ST8SIA1: variants seen among roughly 807,000 people sequenced by gnomAD.
The protein encoded by ST8SIA1 is ST8 alpha-N-acetyl-neuraminide alpha-2,8-sialyltransferase 1.
Under a neutral mutation model 35.9 loss-of-function variants are expected in ST8SIA1, and 16 were observed. The observed-to-expected ratio is 0.45, with a 90% CI of 0.30 to 0.68. ST8SIA1 has a LOEUF of 0.68. Ranked by LOEUF, ST8SIA1 falls within the 30% of genes least tolerant of loss-of-function variation. The pLI, the probability that ST8SIA1 is intolerant of heterozygous loss-of-function variation, is 0.09. For missense variants in ST8SIA1, 383 were observed against 453.6 expected (o/e 0.84, Z 1.41); for synonymous variants, 170 against 169.6 (o/e 1.00, Z -0.02).
chr12:22,287,544 A>G (rs1866116400), intron 1 of ST8SIA1, among the ~76,000 whole-genome samples: 1 of 152,080 alleles, frequency 6.6e-6, no homozygotes, highest in African/African-American at 2.4e-5. Flanking sequence ...GATTGTGTTC[A>G]GATTCAGGTG....
At chr12:22,216,670 G>T (rs1865236609) in intron 4 of ST8SIA1, among the ~76,000 whole-genome samples, 1 of 152,078 alleles carries the variant, frequency 6.6e-6, no homozygotes, top group Non-Finnish European at 1.5e-5. Flanking sequence ...AATTCCTTCA[G>T]AAAAGACTAA....
In ST8SIA1 at chr12:22,320,991, GAAAGAAAGAAAGAAGAAAGA is replaced by G. The variant is rs1866587231; in HGVS notation, c.236+12986_236+13005del. 3.5e-5 allele frequency among the ~76,000 whole-genome samples: 4 copies of G among 114,894 alleles called. No homozygotes were observed. The South Asian group carries it at 1.1e-3, about 33-fold the overall frequency. The allele number at this position is 114,894 out of a possible 152,430, so 75.4% of individuals were successfully genotyped here. On this transcript the variant is annotated intron_variant, in intron 1 of 4. Transcript: ENST00000396037. ...AGAAAGAAAGAAAGAAAGAAAGAAAGAAAGAAAGAAAGAAGAAAGAAAGAAAGAAAGAAAGAAAGAAAGAG... is the reference window on the plus strand; with the variant it reads ...AGAAAGAAAGAAAGAAAGAAAGAAAGAAGAAAGAAAGAAAGAAAGAAAGAG...
intron 3 of ST8SIA1, among the ~76,000 whole-genome samples, 183 bp from the exon 4 acceptor site, chr12:22,249,281 T>C (rs180692829): frequency 6.4e-4 from 97 of 150,580 alleles, no homozygotes; most frequent in East Asian, 3.7e-3. Context: ...TACAGTGGTG[T>C]GATCTCCGCT....
At chr12:22,291,676 G>A (rs568018846) in intron 1 of ST8SIA1, among the ~76,000 whole-genome samples, 13 of 152,216 alleles carry the variant, frequency 8.5e-5, no homozygotes, top group Non-Finnish European at 1.3e-4. Flanking sequence ...ATTCTTATAC[G>A]CAATATAGGG....
At chr12:22,247,775 T>C (rs1227342360) in intron 4 of ST8SIA1, among the ~76,000 whole-genome samples, 4 of 151,988 alleles carry the variant, frequency 2.6e-5, no homozygotes, top group African/African-American at 9.7e-5. Flanking sequence ...AGAATATAAA[T>C]TAAAATATAT....
At chr12:22,326,519 G>A (rs1184725239) in intron 1 of ST8SIA1, among the ~76,000 whole-genome samples, 1 of 152,162 alleles carries the variant, frequency 6.6e-6, no homozygotes, top group Non-Finnish European at 1.5e-5. Context: ...GCCACCTGCG[G>A]CTAAGGCTCA....
Position 22,198,165 on chromosome 12 carries a change from T to A in ST8SIA1, c.*3387A>T, listed in dbSNP as rs576337169. ...CTCTTCACCCTTCCTTTTGCCCCTATGGATCAGCCTAATTTTTATGACTAC... is the reference window on the plus strand; with the variant it reads ...CTCTTCACCCTTCCTTTTGCCCCTAAGGATCAGCCTAATTTTTATGACTAC... On this transcript the variant is annotated 3_prime_UTR_variant, in exon 5 of 5. Coordinates refer to ENST00000396037, the MANE Select transcript of ST8SIA1 (RefSeq NM_003034.4). 6 of 152,268 alleles carry A rather than the reference T, an allele frequency of 3.9e-5. No homozygotes were observed. The South Asian group carries it at 1.2e-3, about 32-fold the overall frequency. 9.4% of individuals were successfully genotyped at this position (152,268 alleles called of 1,614,324 possible).
At chr12:22,285,863 G>C (rs1450618328) in intron 2 of ST8SIA1, among the ~76,000 whole-genome samples, 3 of 66,672 alleles carry the variant, frequency 4.5e-5, no homozygotes, top group African/African-American at 2.3e-4. Flanking sequence ...GAGTAAGTAA[G>C]ACTCTGTCAA....
intron 1 of ST8SIA1, among the ~76,000 whole-genome samples, chr12:22,298,434 C>G (rs774778307): frequency 6.6e-5 from 10 of 152,060 alleles, no homozygotes; most frequent in Non-Finnish European, 1.0e-4. Context: ...TGGAAGACAC[C>G]CAGCTGGGTC....
In ST8SIA1 at chr12:22,333,999, G is replaced by A; in HGVS notation, c.234C>T (p.Phe78=). ...AGGAGCCGCGAGGGCAGGAGTACCT[G>A]AACGCTCTGGCCGCGGTCTGGTTCC... ...WRRNQTAARA[F]RKQMEDCCDP... is the part of the protein sequence containing the mutation. The change falls in exon 1 of 5, where the codon TTC becomes TTT. Residue 78 remains phenylalanine (F), a splice_region_variant and synonymous_variant. Coordinates refer to ENST00000396037, the MANE Select transcript of ST8SIA1 (RefSeq NM_003034.4). 6.2e-7 allele frequency: 1 copy of A among 1,613,688 alleles called. No homozygotes were observed. The highest frequency in any genetic ancestry group is 1.1e-5 in the South Asian group (1 of 91,068).
At position 22,196,921 on chromosome 12, in the gene ST8SIA1, A is replaced by C. The variant is rs943690901; in HGVS notation, c.*4631T>G. ...GGAGCCAAGGCAGCTCTCCTGGGAG[A>C]GGACAGAGACTGACGGTGCTAAAAA... On this transcript the variant is annotated 3_prime_UTR_variant, in exon 5 of 5. Coordinates refer to ENST00000396037, the MANE Select transcript of ST8SIA1 (RefSeq NM_003034.4). 3 of 152,224 alleles carry C rather than the reference A, an allele frequency of 2.0e-5. No homozygotes were observed. Among genetic ancestry groups the C allele is most frequent in the Admixed American group, 1.3e-4 (2 of 15,274 alleles). The allele number at this position is 152,224 out of a possible 1,614,324, so 9.4% of individuals were successfully genotyped here. A position where few individuals can be genotyped will look rare whatever the true frequency, so the allele number is the denominator to read the frequency against.
At chr12:22,315,329 C>T (rs558087763) in intron 1 of ST8SIA1, among the ~76,000 whole-genome samples, 66 of 152,288 alleles carry the variant, frequency 4.3e-4, no homozygotes, top group African/African-American at 1.5e-3. Flanking sequence ...CAGACCTGTG[C>T]TTCACTGACA....
At chr12:22,323,647 C>T (rs1166063025) in intron 1 of ST8SIA1, among the ~76,000 whole-genome samples, 5 of 152,114 alleles carry the variant, frequency 3.3e-5, no homozygotes, top group East Asian at 3.9e-4. Flanking sequence ...AAATGTGGTA[C>T]GTATACACCA....
At chr12:22,280,353 T>C (rs2135812232) in intron 2 of ST8SIA1, among the ~76,000 whole-genome samples, 1 of 152,282 alleles carries the variant, frequency 6.6e-6, no homozygotes, top group Non-Finnish European at 1.5e-5. Context: ...AAACACCCTG[T>C]CATGTCACCA....
At chr12:22,273,493 A>G (rs11613477) in intron 2 of ST8SIA1, among the ~76,000 whole-genome samples, 16,363 of 151,636 alleles carry the variant, frequency 0.11, 1,128 homozygotes, top group Middle Eastern at 0.24. Context: ...ATTCAATGAA[A>G]CTCCCCGCCT....
rs1865360758 is a variant in ST8SIA1, at chr12:22,226,557, A to T, written c.584+22449T>A. ...GATTACTTTTTTTAATTCTTTATTG[A>T]TTCTTCTTCAGCAAACTTGTCATCT... On this transcript the variant is annotated intron_variant, in intron 4 of 4. Coordinates refer to ENST00000396037, the MANE Select transcript of ST8SIA1 (RefSeq NM_003034.4). 3.4e-5 allele frequency among the ~76,000 whole-genome samples: 5 copies of T among 147,200 alleles called. No homozygotes were observed. In the South Asian group the frequency reaches 6.4e-4, roughly 19 times the overall value.
chr12:22,309,827 G>A (rs1866428733), intron 1 of ST8SIA1, among the ~76,000 whole-genome samples: 1 of 152,256 alleles, frequency 6.6e-6, no homozygotes, highest in South Asian at 2.1e-4. Flanking sequence ...AAAAGAAGAA[G>A]AAATTTAAAA....
At chr12:22,233,347 A>G (rs571966864) in intron 4 of ST8SIA1, among the ~76,000 whole-genome samples, 43 of 152,152 alleles carry the variant, frequency 2.8e-4, no homozygotes, top group Non-Finnish European at 3.8e-4. Context: ...CAAGTTTAAG[A>G]GTAGAGTACT....
Position 22,201,655 on chromosome 12 carries a change from G to T in ST8SIA1, c.968C>A (p.Ala323Asp). ...GAGTTGGAGAAATTCCTCGGGCATGGCATGGAAGCCAGAAAAGGGTAAGAC... is the reference window on the plus strand; with the variant it reads ...GAGTTGGAGAAATTCCTCGGGCATGTCATGGAAGCCAGAAAAGGGTAAGAC... ...DNVLPFSGFH[A>D]MPEEFLQLWY... Residue 323 changes from alanine to aspartate, a missense_variant, in exon 5 of 5, where the codon GCC becomes GAC. By Grantham distance (126) the Ala-to-Asp change is moderately radical. Transcript: ENST00000396037. 1 of 1,614,146 alleles carries T rather than the reference G, an allele frequency of 6.2e-7. No homozygotes were observed. The highest frequency in any genetic ancestry group is 8.5e-7 in the Non-Finnish European group (1 of 1,179,990).
Sources: gnomAD v4.1 joint callset for allele counts (sites outside exome capture counted in the v4.1 genomes callset) on GRCh38, gnomAD v4.1.1 for gene constraint, MANE v1.5 for transcripts, NCBI Gene and HGNC (gene_info 2026-07-23, HGNC 2026-07-21) for gene names.